TBRG1: variants seen among roughly 807,000 people sequenced by gnomAD.
TBRG1 encodes transforming growth factor beta regulator 1.
TBRG1 carries 31 observed loss-of-function variants against 44.0 expected under a neutral mutation model. The observed-to-expected ratio is 0.70, with a 90% confidence interval of 0.53 to 0.95. The LOEUF (loss-of-function observed/expected upper bound fraction) is 0.95. TBRG1 is among the 40% of genes least tolerant of loss of function. The pLI is 0.00. For missense variants in TBRG1, 487 were observed against 496.1 expected, an observed-to-expected ratio of 0.98 and a Z score of 0.18; for synonymous variants, 171 against 188.1, an observed-to-expected ratio of 0.91 and a Z score of 0.74.
chr11:124,630,709 A>G (rs1025372065), intron 6 of TBRG1, 36 bp from the exon 7 acceptor site: 31 of 1,441,726 alleles, frequency 2.2e-5, no homozygotes, highest in Non-Finnish European at 2.6e-5. Context: ...ATCTCCCGCT[A>G]AGCTCTCAAA....
chr11:124,624,879 A>G, intron 1 of TBRG1, 52 bp from the exon 2 acceptor site: 3 of 1,165,578 alleles, frequency 2.6e-6, no homozygotes, highest in Non-Finnish European at 3.6e-6. Flanking sequence ...CAGCATAATA[A>G]TGTGATTTTT....
intron 5 of TBRG1, among the ~76,000 whole-genome samples, chr11:124,629,682 A>C (rs1399057287): frequency 6.6e-6 from 1 of 152,238 alleles, no homozygotes; most frequent in Non-Finnish European, 1.5e-5. Context: ...AAAATAAATT[A>C]ATCCTGTTCA....
Position 124,633,685 on chromosome 11 carries a change from T to C in TBRG1, c.*1447T>C, listed in dbSNP as rs1166709024. On this transcript the variant is annotated 3_prime_UTR_variant, in exon 9 of 9. Transcript: ENST00000441174. ...TTTATAAGTTGTATACACTTTACAA[T>C]GTAAAAGAAACAAACTTTGTATAAT... is the stretch of plus-strand genomic sequence containing the variant. 1 of 152,116 alleles carries C rather than the reference T, an allele frequency of 6.6e-6. No homozygotes were observed. Among genetic ancestry groups the C allele is most frequent in the Admixed American group, 6.5e-5 (1 of 15,284 alleles). 9.4% of individuals were successfully genotyped at this position (152,116 alleles called of 1,614,324 possible).
intron 5 of TBRG1, 54 bp downstream of exon 5, chr11:124,627,104 G>A (rs1942493693): frequency 1.7e-6 from 2 of 1,192,522 alleles, no homozygotes; most frequent in African/African-American, 1.5e-5. Flanking sequence ...TCTGTGCTAG[G>A]ATATGTATTA....
chr11:124,630,756 T>C lies in TBRG1; in HGVS notation c.848T>C (p.Met283Thr), dbSNP rs1942591171. Residue 283 changes from methionine to threonine, a missense_variant, in exon 7 of 9, where the codon ATG (methionine) becomes ACG (threonine). Met to Thr is a moderately conservative substitution (Grantham distance 81, BLOSUM62 -1). Transcript: ENST00000441174. ...CCTCTCCTGTTTAGGGGGAAACTAA[T>C]GCCTAACCTGCTTCCAGCTGGAGCT... ...RTISTTMGKL[M>T]PNLLPAGADF... 2 of 1,604,794 alleles carry C rather than the reference T, an allele frequency of 1.2e-6. No homozygotes were observed. The highest frequency in any genetic ancestry group is 1.7e-6 in the Non-Finnish European group (2 of 1,175,254).
rs755327108 is a variant in TBRG1 at position 124,626,949 on chromosome 11, C to T, written c.637C>T (p.Pro213Ser). ...CTTTCATGATGAGAGTGCCATCTAC[C>T]CCGTGGGCTATTGCAGTACTCGAAT... ...PGFHDESAIY[P>S]VGYCSTRIYA... The change falls in exon 5 of 9, where the codon CCC (proline) becomes TCC (serine). Residue 213 changes from proline (P) to serine (S), a missense_variant. By Grantham distance (74) the Pro-to-Ser change is moderately conservative. Coordinates refer to ENST00000441174, the MANE Select transcript of TBRG1 (RefSeq NM_032811.3). The T allele has an allele frequency of 6.2e-7, 1 of 1,604,262 alleles. No individual in the cohort carries two copies. Among genetic ancestry groups the T allele is most frequent in the South Asian group, 1.1e-5 (1 of 88,790 alleles).
chr11:124,629,624 T>C (rs1348141226), intron 5 of TBRG1, among the ~76,000 whole-genome samples: 3 of 152,216 alleles, frequency 2.0e-5, no homozygotes, highest in African/African-American at 7.2e-5. Flanking sequence ...TGCTTTGACT[T>C]TTTTTAGAAA....
chr11:124,632,530 TGATA>T lies in TBRG1; in HGVS notation c.*295_*298del, dbSNP rs1942638824. 1 of 250,498 alleles carries T rather than the reference TGATA, an allele frequency of 4.0e-6. No individual in the cohort carries two copies. The highest frequency in any genetic ancestry group is 7.7e-6 in the Non-Finnish European group (1 of 129,464). The allele number at this position is 250,498 out of a possible 1,614,324, so 15.5% of individuals were successfully genotyped here. A position where few individuals can be genotyped will look rare whatever the true frequency, so the allele number is the denominator to read the frequency against. On this transcript the variant is annotated 3_prime_UTR_variant, in exon 9 of 9. Transcript: ENST00000441174. ...AACTTCAGCCTCTTATAAACAAGAG[TGATA>T]GAGAGCTGCAGGCTGCTACAACAAA...
chr11:124,631,236 G>A (rs1362078497), intron 7 of TBRG1, 39 bp from the exon 8 acceptor site: 2 of 1,524,576 alleles, frequency 1.3e-6, no homozygotes, highest in East Asian at 4.5e-5. Context: ...TTTATGTCTA[G>A]CAGATAACTC....
chr11:124,630,920 T>G (rs964900065), intron 7 of TBRG1, 65 bp downstream of exon 7: 113 of 1,195,768 alleles, frequency 9.4e-5, no homozygotes, highest in Middle Eastern at 7.5e-4. Flanking sequence ...GGACTGGCAG[T>G]TCCTACTTTG....
rs1301563929 is a variant in TBRG1 at position 124,634,108 on chromosome 11, G to C, written c.*1870G>C. On this transcript the variant is annotated 3_prime_UTR_variant, in exon 9 of 9. Coordinates refer to ENST00000441174, the MANE Select transcript of TBRG1 (RefSeq NM_032811.3). The stretch of plus-strand genomic sequence containing the variant: ...GCCTGTAATCCCAGCACTTTGGGAG[G>C]CTGAGGCGGGTGGATCAAGAGGTCA... 1 of 152,246 alleles carries C rather than the reference G, an allele frequency of 6.6e-6. No homozygotes were observed. Among genetic ancestry groups the C allele is most frequent in the Non-Finnish European group, 1.5e-5 (1 of 68,060 alleles). 9.4% of individuals were successfully genotyped at this position (152,246 alleles called of 1,614,324 possible). A position where few individuals can be genotyped will look rare whatever the true frequency, so the allele number is the denominator to read the frequency against.
At position 124,623,249 on chromosome 11, in the gene TBRG1, G is replaced by A; in HGVS notation, c.150+16G>A. On this transcript the variant is annotated intron_variant, in intron 1 of 8. Transcript: ENST00000441174. ...CACGGTGTTTGTGAGTCTGACCCAC[G>A]TTCAGCCGGTCCCCTCCTGGAGACT... is the stretch of plus-strand genomic sequence containing the variant. The A allele has an allele frequency of 6.4e-7, 1 of 1,551,314 alleles. No homozygotes were observed. Among genetic ancestry groups the A allele is most frequent in the Non-Finnish European group, 8.7e-7 (1 of 1,146,960 alleles).
rs1473305350 is a variant in TBRG1 at position 124,624,377 on chromosome 11, A to AAG, written c.151-553_151-552insGA. The stretch of plus-strand genomic sequence containing the variant: ...GTCATCATTTACAAAAAAAAAAAAA[A>AAG]AAAAAAGAAAAAAGATAATACTTGA... On this transcript the variant is annotated intron_variant, in intron 1 of 8. Coordinates refer to ENST00000441174, the MANE Select transcript of TBRG1 (RefSeq NM_032811.3). Among the ~76,000 whole-genome samples, 16 of 148,572 alleles carry AAG rather than the reference A, an allele frequency of 1.1e-4. No individual in the cohort carries two copies. In the East Asian group the frequency reaches 1.2e-3, roughly 11 times the overall value.
intron 3 of TBRG1, 57 bp downstream of exon 3, chr11:124,625,960 G>C (rs914950425): frequency 6.7e-7 from 1 of 1,481,672 alleles, no homozygotes; most frequent in Non-Finnish European, 9.0e-7. Context: ...ATGACAGTTA[G>C]ACCTGGTACT....
intron 1 of TBRG1, 27 bp downstream of exon 1, chr11:124,623,260 C>G: frequency 2.6e-6 from 4 of 1,551,130 alleles, no homozygotes; most frequent in African/African-American, 1.4e-5. Flanking sequence ...TTCAGCCGGT[C>G]CCCTCCTGGA....
At position 124,628,156 on chromosome 11, in the gene TBRG1, A is replaced by C. The variant is rs551846146; in HGVS notation, c.738+1106A>C. On this transcript the variant is annotated intron_variant, in intron 5 of 8. Coordinates refer to ENST00000441174, the MANE Select transcript of TBRG1 (RefSeq NM_032811.3). ...ACACACACACACACACAGACTAAAT[A>C]TATGTAATTCTTGTATCTCTTTCCA... Among the ~76,000 whole-genome samples the C allele has an allele frequency of 5.1e-4, 73 of 143,912 alleles. No homozygotes were observed. The Middle Eastern group carries it at 0.018, about 35-fold the overall frequency. The allele number at this position is 143,912 out of a possible 152,430, so 94.4% of individuals were successfully genotyped here.
At position 124,632,496 on chromosome 11, in the gene TBRG1, GGTAAA is replaced by G. The variant is rs1942637841; in HGVS notation, c.*264_*268del. ...ATCTTTTTTGCTTAGCTCTGCCTGA[GGTAAA>G]GTAAACTTCAGCCTCTTATAAACAA... On this transcript the variant is annotated 3_prime_UTR_variant, in exon 9 of 9. Coordinates refer to ENST00000441174, the MANE Select transcript of TBRG1 (RefSeq NM_032811.3). 1.3e-5 allele frequency: 4 copies of G among 314,088 alleles called. No individual in the cohort carries two copies. The South Asian group carries it at 1.3e-4, about 10-fold the overall frequency. 19.5% of individuals were successfully genotyped at this position (314,088 alleles called of 1,614,324 possible). A position where few individuals can be genotyped will look rare whatever the true frequency, so the allele number is the denominator to read the frequency against.
intron 4 of TBRG1, 141 bp downstream of exon 4, chr11:124,626,750 A>G (rs781763203): frequency 5.2e-5 from 74 of 1,430,170 alleles, no homozygotes; most frequent in Non-Finnish European, 6.9e-5. Flanking sequence ...CTGCAAAACC[A>G]GGTCAGTGTT....
chr11:124,627,101 T>A, intron 5 of TBRG1, 51 bp downstream of exon 5: 1 of 1,213,190 alleles, frequency 8.2e-7, no homozygotes, highest in Non-Finnish European at 1.2e-6. Flanking sequence ...TTCTCTGTGC[T>A]AGGATATGTA....
Sources: allele counts gnomAD v4.1 joint callset (sites outside exome capture counted in the v4.1 genomes callset), GRCh38; gene constraint gnomAD v4.1.1; transcripts MANE v1.5; gene names NCBI Gene and HGNC (gene_info 2026-07-23, HGNC 2026-07-21).